CAST: variants seen among roughly 807,000 people sequenced by gnomAD.
CAST encodes MIR583 host.
In CAST, 76 loss-of-function variants were observed where a neutral mutation model predicts 119.6. That is an observed-to-expected ratio of 0.64 (90% CI 0.53 to 0.77). The LOEUF (loss-of-function observed/expected upper bound fraction) is 0.77. Among genes scored for constraint, CAST ranks in the 30% least tolerant of loss-of-function variants. The probability of loss-of-function intolerance (pLI) is 0.00; values close to 1 mark genes in which losing one functional copy is unlikely to be tolerated. For synonymous variants in CAST, 319 were observed against 331.6 expected (o/e 0.96, Z 0.41); for missense variants, 953 against 946.5 (o/e 1.01, Z -0.09).
the CAST span, among the ~76,000 whole-genome samples, chr5:96,129,702 G>A: frequency 6.6e-6 from 1 of 151,966 alleles, no homozygotes; most frequent in Admixed American, 6.6e-5. Context: ...TGACATCAGA[G>A]ATATTTTTCT....
chr5:96,345,705 C>T, the CAST span, among the ~76,000 whole-genome samples: 10 of 152,284 alleles, frequency 6.6e-5, no homozygotes, highest in East Asian at 5.8e-4. Flanking sequence ...CACATTTGCT[C>T]ATGTGGCTAT....
chr5:96,095,421 C>T, the CAST span, among the ~76,000 whole-genome samples: 1 of 150,704 alleles, frequency 6.6e-6, no homozygotes, highest in African/African-American at 2.4e-5. Context: ...AAAAAAAAAA[C>T]AATTAGCCAG....
chr5:96,659,915 CA>C (rs1321109534), upstream of CAST, among the ~76,000 whole-genome samples: 14 of 152,188 alleles, frequency 9.2e-5, no homozygotes, highest in Admixed American at 9.2e-4. Flanking sequence ...CAAGGAAAAG[CA>C]AAACATCAGG....
the CAST span, among the ~76,000 whole-genome samples, chr5:96,087,973 A>T: frequency 6.6e-6 from 1 of 152,228 alleles, no homozygotes; most frequent in African/African-American, 2.4e-5. Flanking sequence ...ATGCATCTGC[A>T]TAGAGGCAAA....
the CAST span, among the ~76,000 whole-genome samples, chr5:95,971,135 G>A: frequency 6.6e-6 from 1 of 152,110 alleles, no homozygotes; most frequent in Admixed American, 6.5e-5. Context: ...GAAAAATTTT[G>A]TTTTTACATA....
At chr5:96,690,024 C>T (rs1201476717) in intron 2 of CAST, among the ~76,000 whole-genome samples, 1 of 152,052 alleles carries the variant, frequency 6.6e-6, no homozygotes, top group African/African-American at 2.4e-5. Context: ...GTAGCATTGT[C>T]CTGACTCCTG....
At chr5:96,414,241 A>G in the CAST span, among the ~76,000 whole-genome samples, 2 of 152,028 alleles carry the variant, frequency 1.3e-5, no homozygotes, top group Admixed American at 1.3e-4. Context: ...TAAAATAGGG[A>G]TGATAATAAC....
At chr5:96,432,828 G>A in the CAST span, 1 of 1,596,026 alleles carries the variant, frequency 6.3e-7, no homozygotes, top group Non-Finnish European at 8.6e-7. Context: ...GTCCCCTGGG[G>A]CCCCAGAAAG....
the CAST span, among the ~76,000 whole-genome samples, chr5:95,969,588 A>T: frequency 6.6e-6 from 1 of 152,100 alleles, no homozygotes; most frequent in Non-Finnish European, 1.5e-5. Context: ...GGTATTAATG[A>T]TGGGAATGGA....
At chr5:96,074,353 A>G in the CAST span, among the ~76,000 whole-genome samples, 2 of 152,220 alleles carry the variant, frequency 1.3e-5, no homozygotes, top group African/African-American at 2.4e-5. Flanking sequence ...AATTAGGTTT[A>G]GATGAGGTCA....
At chr5:96,394,363 G>A in the CAST span, among the ~76,000 whole-genome samples, 4 of 152,134 alleles carry the variant, frequency 2.6e-5, no homozygotes, top group Non-Finnish European at 5.9e-5. Flanking sequence ...GTGATCTATC[G>A]CTCCCCTTGG....
At chr5:96,236,138 T>TATCC in the CAST span, among the ~76,000 whole-genome samples, 2 of 151,054 alleles carry the variant, frequency 1.3e-5, no homozygotes, top group African/African-American at 4.8e-5. Flanking sequence ...TCTATCTATC[T>TATCC]ATCCATCCAT....
At chr5:96,429,064 T>C in the CAST span, 1 of 587,436 alleles carries the variant, frequency 1.7e-6, no homozygotes, top group Non-Finnish European at 3.0e-6. Flanking sequence ...TATAATTTTA[T>C]GGAAAGAAAT....
intron 1 of CAST, among the ~76,000 whole-genome samples, chr5:96,590,824 T>G (rs1275378175): frequency 6.6e-6 from 1 of 152,206 alleles, no homozygotes; most frequent in Non-Finnish European, 1.5e-5. Context: ...GTTAAGCTCC[T>G]GCTTTAAAAA....
At chr5:96,621,308 G>A (rs1484937687) in intron 1 of CAST, among the ~76,000 whole-genome samples, 3 of 152,216 alleles carry the variant, frequency 2.0e-5, no homozygotes, top group Non-Finnish European at 2.9e-5. Flanking sequence ...TAAAATCATA[G>A]CAATTTAATC....
chr5:96,717,196 TA>T (rs1757337189), intron 3 of CAST, among the ~76,000 whole-genome samples: 1 of 152,192 alleles, frequency 6.6e-6, no homozygotes, highest in South Asian at 2.1e-4. Context: ...CGATAAGACA[TA>T]ATGTACACTT....
At chr5:96,206,291 G>A in the CAST span, among the ~76,000 whole-genome samples, 1 of 152,030 alleles carries the variant, frequency 6.6e-6, no homozygotes, top group Admixed American at 6.6e-5. Flanking sequence ...TTGCTGTTCA[G>A]AAGCTCTTTA....
Position 96,617,606 on chromosome 5 carries a change from A to G in CAST, c.61-57933A>G, listed in dbSNP as rs768797106. Among the ~76,000 whole-genome samples the G allele has an allele frequency of 9.6e-4, 146 of 151,706 alleles. 1 individual carries two copies. Among genetic ancestry groups the G allele is most frequent in the Admixed American group, 1.8e-3 (27 of 15,234 alleles). On this transcript the variant is annotated intron_variant, in intron 1 of 11. Coordinates refer to the CAST transcript ENST00000505143. ...AGATCGAGACCATCCTGGCTAACAC[A>G]GTGAAACCCCGTCTCTACTAAAAAT...
At chr5:96,656,716 G>A (rs1375456957) in intron 1 of CAST, among the ~76,000 whole-genome samples, 1 of 152,164 alleles carries the variant, frequency 6.6e-6, no homozygotes, top group Non-Finnish European at 1.5e-5. Context: ...TGTGGGCTGT[G>A]GAGAAGAGGG....
Sources: allele counts gnomAD v4.1 joint callset (sites outside exome capture counted in the v4.1 genomes callset), GRCh38; gene constraint gnomAD v4.1.1; transcripts MANE v1.5; gene names NCBI Gene and HGNC (gene_info 2026-07-23, HGNC 2026-07-21).